SDCBP: variants seen among roughly 807,000 people sequenced by gnomAD.
SDCBP encodes the protein syndecan binding protein, also known as syntenin-1.
Under a neutral mutation model 30.5 loss-of-function variants are expected in SDCBP, and 22 were observed. That is an observed-to-expected ratio of 0.72 (90% CI 0.52 to 1.03). The LOEUF is 1.03. SDCBP is among the 50% of genes least tolerant of loss of function. SDCBP has a pLI of 0.00. For missense variants in SDCBP, 304 were observed against 369.9 expected (o/e 0.82, Z 1.46); for synonymous variants, 103 against 118.7 (o/e 0.87, Z 0.86).
At chr8:58,554,839 T>C (rs1585670413) in intron 1 of SDCBP, among the ~76,000 whole-genome samples, 1 of 152,356 alleles carries the variant, frequency 6.6e-6, no homozygotes, top group South Asian at 2.1e-4. Context: ...TTTATTAATT[T>C]CTTTTCAAGT....
At chr8:58,580,482 C>T (rs1563517507) in intron 7 of SDCBP, 35 bp from the exon 8 acceptor site, 1 of 1,021,872 alleles carries the variant, frequency 9.8e-7, no homozygotes. Flanking sequence ...AATAAAGCCT[C>T]TGTGGAATTA....
intron 2 of SDCBP, among the ~76,000 whole-genome samples, chr8:58,569,759 T>C (rs2129607914): frequency 1.3e-5 from 2 of 152,286 alleles, no homozygotes; most frequent in South Asian, 4.1e-4. Context: ...CTTTCAAAGT[T>C]CAACACATGT....
At chr8:58,573,921 T>C (rs1805182152) in intron 4 of SDCBP, among the ~76,000 whole-genome samples, 1 of 152,214 alleles carries the variant, frequency 6.6e-6, no homozygotes, top group Non-Finnish European at 1.5e-5. Flanking sequence ...TTATAGTTTC[T>C]CCTTGAAAGA....
At chr8:58,568,470 T>A (rs71521420) in intron 2 of SDCBP, among the ~76,000 whole-genome samples, 1 of 152,196 alleles carries the variant, frequency 6.6e-6, no homozygotes, top group Non-Finnish European at 1.5e-5. Flanking sequence ...TACAGTTAAC[T>A]TTTTTTGTAA....
rs145070566 is a variant in SDCBP at position 58,577,277 on chromosome 8, G to A, written c.403-756G>A. ...TGTGACCTAGCTTAGGATTGTAGAA[G>A]TAGATGCACTTATATTTTACCAGGC... On this transcript the variant is annotated intron_variant, in intron 5 of 8. Coordinates refer to ENST00000260130, the MANE Select transcript of SDCBP (RefSeq NM_005625.4). 2.0e-3 allele frequency among the ~76,000 whole-genome samples: 311 copies of A among 152,328 alleles called. 1 individual carries two copies. The highest frequency in any genetic ancestry group is 3.1e-3 in the Non-Finnish European group (208 of 68,036).
At chr8:58,563,722 T>G (rs927765167) in intron 1 of SDCBP, among the ~76,000 whole-genome samples, 6 of 152,156 alleles carry the variant, frequency 3.9e-5, no homozygotes, top group African/African-American at 1.4e-4. Context: ...CTTTTAAGAA[T>G]ACTGTAAGAG....
intron 1 of SDCBP, among the ~76,000 whole-genome samples, chr8:58,557,092 C>G (rs1487808881): frequency 8.1e-6 from 1 of 123,354 alleles, no homozygotes; most frequent in African/African-American, 3.3e-5. Flanking sequence ...ATAATTTATA[C>G]CATATATTAT....
chr8:58,554,408 G>T (rs1803986547), intron 1 of SDCBP, among the ~76,000 whole-genome samples: 1 of 152,144 alleles, frequency 6.6e-6, no homozygotes, highest in South Asian at 2.1e-4. Context: ...TTTGTCTTCT[G>T]TGTTACCAAC....
At chr8:58,566,844 A>G (rs1381051056) in intron 2 of SDCBP, among the ~76,000 whole-genome samples, 2 of 152,228 alleles carry the variant, frequency 1.3e-5, no homozygotes, top group Non-Finnish European at 2.9e-5. Context: ...AACCATTCAT[A>G]TTTTGTAAAC....
At chr8:58,573,875 C>G (rs917163063) in intron 4 of SDCBP, among the ~76,000 whole-genome samples, 9 of 152,156 alleles carry the variant, frequency 5.9e-5, no homozygotes, top group Non-Finnish European at 1.2e-4. Flanking sequence ...CACACTTGTA[C>G]AAACATTTGA....
intron 8 of SDCBP, among the ~76,000 whole-genome samples, chr8:58,580,904 T>G (rs1051783291): frequency 2.0e-5 from 3 of 152,194 alleles, no homozygotes; most frequent in Non-Finnish European, 4.4e-5. Context: ...TGCAATTGAC[T>G]GCAGTTGCAC....
At chr8:58,567,811 C>CT (rs1221224181) in intron 2 of SDCBP, among the ~76,000 whole-genome samples, 1 of 152,112 alleles carries the variant, frequency 6.6e-6, no homozygotes, top group African/African-American at 2.4e-5. Context: ...TGTTACTGTA[C>CT]TGAATACTGT....
At chr8:58,572,143 G>A (rs1805060893) in intron 3 of SDCBP, 62 bp from the exon 4 acceptor site, 1 of 957,788 alleles carries the variant, frequency 1.0e-6, no homozygotes, top group South Asian at 1.5e-5. Context: ...AGCCCATAAT[G>A]AGAGAAGTTT....
chr8:58,554,836 A>T (rs1804010564), intron 1 of SDCBP, among the ~76,000 whole-genome samples: 1 of 152,180 alleles, frequency 6.6e-6, no homozygotes, highest in Non-Finnish European at 1.5e-5. Context: ...GCATTTATTA[A>T]TTTCTTTTCA....
chr8:58,554,083 G>A (rs907682678), intron 1 of SDCBP, among the ~76,000 whole-genome samples: 4 of 152,168 alleles, frequency 2.6e-5, no homozygotes, highest in African/African-American at 9.7e-5. Context: ...ATTGAGTCAT[G>A]GAGTCTTCTA....
At chr8:58,569,046 AT>A (rs1331356650) in intron 2 of SDCBP, among the ~76,000 whole-genome samples, 9 of 151,136 alleles carry the variant, frequency 6.0e-5, no homozygotes, top group South Asian at 2.1e-4. Flanking sequence ...TAAAAAGAAA[AT>A]TTTTTTTTCC....
At chr8:58,575,125 T>C (rs1463632231) in intron 4 of SDCBP, among the ~76,000 whole-genome samples, 2 of 152,220 alleles carry the variant, frequency 1.3e-5, no homozygotes, top group Non-Finnish European at 2.9e-5. Flanking sequence ...CAGACAGTAC[T>C]TGTCTTTCTG....
At position 58,557,785 on chromosome 8, in the gene SDCBP, TA is replaced by T. The variant is rs1420248128; in HGVS notation, c.-16+4485del. Reference sequence around the variant, plus strand: ...GGTCAGGAAGGTTTGATCAAACCCTTAAAGAGTAGTGGGAGTTTTATCTTCT... The same window carrying T: ...GGTCAGGAAGGTTTGATCAAACCCTTAAGAGTAGTGGGAGTTTTATCTTCT... On this transcript the variant is annotated intron_variant, in intron 1 of 8. Coordinates refer to ENST00000260130, the MANE Select transcript of SDCBP (RefSeq NM_005625.4). Among the ~76,000 whole-genome samples, 7 of 152,248 alleles carry T rather than the reference TA, an allele frequency of 4.6e-5. No homozygotes were observed. The East Asian group carries it at 1.2e-3, about 25-fold the overall frequency.
Position 58,572,784 on chromosome 8 carries a change from C to G in SDCBP, c.240+470C>G, listed in dbSNP as rs568066024. On this transcript the variant is annotated intron_variant, in intron 4 of 8. Transcript: ENST00000260130. ...AAATACACATATAGGTCTATCATAT[C>G]TTTGTTGCTCATAATCTTTTTTTTT... Among the ~76,000 whole-genome samples the G allele has an allele frequency of 1.1e-3, 152 of 133,304 alleles. 1 individual carries two copies. The highest frequency in any genetic ancestry group is 2.2e-3 in the Non-Finnish European group (139 of 62,942). The allele number at this position is 133,304 out of a possible 152,430, so 87.5% of individuals were successfully genotyped here. A position where few individuals can be genotyped will look rare whatever the true frequency, so the allele number is the denominator to read the frequency against.
Sources: gnomAD v4.1 joint callset for allele counts (sites outside exome capture counted in the v4.1 genomes callset) on GRCh38, gnomAD v4.1.1 for gene constraint, MANE v1.5 for transcripts, NCBI Gene and HGNC (gene_info 2026-07-23, HGNC 2026-07-21) for gene names.